The following CEP57 variants were observed in gnomAD, a reference collection of about 807,000 sequenced individuals.
CEP57 encodes the protein centrosomal protein 57, also known as centrosomal protein of 57 kDa.
In CEP57, 40 loss-of-function variants were observed where a neutral mutation model predicts 68.0. The observed-to-expected ratio is 0.59, with a 90% CI of 0.46 to 0.77. The LOEUF is 0.77. Ranked by LOEUF, CEP57 falls within the 30% of genes least tolerant of loss-of-function variation. The pLI, the probability that CEP57 is intolerant of heterozygous loss-of-function variation, is 0.00. For missense variants in CEP57, 606 were observed against 580.7 expected (o/e 1.04, Z -0.45); for synonymous variants, 219 against 198.7 (o/e 1.10, Z -0.86).
At position 95,820,222 on chromosome 11, in the gene CEP57, T is replaced by G. The variant is rs1412574471; in HGVS notation, c.699+1318T>G. ...CAAATTAGATGTTGCTGGTAATATGTTACCAGTAAATATTTTGAGTTGATG... is the reference window on the plus strand; with the variant it reads ...CAAATTAGATGTTGCTGGTAATATGGTACCAGTAAATATTTTGAGTTGATG... On this transcript the variant is annotated intron_variant, in intron 6 of 10. Coordinates refer to ENST00000325542, the MANE Select transcript of CEP57 (RefSeq NM_014679.5). 2.0e-5 allele frequency among the ~76,000 whole-genome samples: 3 copies of G among 152,186 alleles called. No individual in the cohort carries two copies. The East Asian group carries it at 5.8e-4, about 29-fold the overall frequency.
At chr11:95,817,194 C>T (rs760774950) in intron 4 of CEP57, among the ~76,000 whole-genome samples, 7 of 151,246 alleles carry the variant, frequency 4.6e-5, no homozygotes, top group African/African-American at 9.7e-5. Context: ...GATGAAACCA[C>T]GTCACTACTA....
chr11:95,831,105 G>A lies in CEP57; in HGVS notation c.1352G>A (p.Ser451Asn), dbSNP rs771695892. ...ACTCTTGATGAAGAAAGAAACAGCA[G>A]CAGCCGTTCTGGAATCACAGGGACC... ...KKTLDEERNSSSRSGITGTTN... is the reference protein window; with the variant it reads ...KKTLDEERNSNSRSGITGTTN... Residue 451 changes from serine (S) to asparagine (N), a missense_variant, in exon 11 of 11, where the codon AGC becomes AAC. Ser to Asn is a conservative substitution (Grantham distance 46, BLOSUM62 1). Coordinates refer to ENST00000325542, the MANE Select transcript of CEP57 (RefSeq NM_014679.5). 1.2e-6 allele frequency: 2 copies of A among 1,612,966 alleles called. No homozygotes were observed. The highest frequency in any genetic ancestry group is 3.3e-5 in the Admixed American group (2 of 59,984).
Position 95,790,715 on chromosome 11 carries a change from T to A in CEP57, c.17T>A (p.Val6Asp). 6.2e-7 allele frequency: 1 copy of A among 1,614,096 alleles called. No individual in the cohort carries two copies. Among genetic ancestry groups the A allele is most frequent in the Non-Finnish European group, 8.5e-7 (1 of 1,180,006 alleles). Residue 6 changes from valine to aspartate, a missense_variant, in exon 1 of 11, where the codon GTC becomes GAC. Coordinates refer to ENST00000325542, the MANE Select transcript of CEP57 (RefSeq NM_014679.5). MAAAS[V>D]SAASGSHLSN... The stretch of plus-strand genomic sequence containing the variant: ...GGCTGAAAGATGGCGGCGGCGTCTG[T>A]CTCTGCGGCTTCTGGTTCTCACTTG...
Position 95,813,491 on chromosome 11 carries a change from G to A in CEP57, c.406G>A (p.Ala136Thr), listed in dbSNP as rs749969165. ...AGAACTGACATCTCAGTTGTTAGCT[G>A]CAGAAAATAAATGCAATCTATTAGA... ...NQELTSQLLA[A>T]ENKCNLLEKQ... The change falls in exon 4 of 11, where the codon GCA becomes ACA. Residue 136 changes from alanine (A) to threonine (T), a missense_variant. Physicochemically the swap from Ala to Thr is moderately conservative, Grantham distance 58 (BLOSUM62 0). Coordinates refer to ENST00000325542, the MANE Select transcript of CEP57 (RefSeq NM_014679.5). 1.2e-6 allele frequency: 2 copies of A among 1,612,164 alleles called. No homozygotes were observed. Among genetic ancestry groups the A allele is most frequent in the Non-Finnish European group, 1.7e-6 (2 of 1,179,704 alleles).
chr11:95,827,895 T>A lies in CEP57; in HGVS notation c.995T>A (p.Leu332Ter). 6.2e-7 allele frequency: 1 copy of A among 1,614,172 alleles called. No homozygotes were observed. ...GATCGAGTCATCAACAGTATTCCTTTGGCAAAGCAAGTATCTTCACGAGGT... is the reference window on the plus strand; with the variant it reads ...GATCGAGTCATCAACAGTATTCCTTAGGCAAAGCAAGTATCTTCACGAGGT... ...CNDRVINSIP[L>*]AKQVSSRGGK... The change falls in exon 9 of 11, where the codon TTG becomes TAG. Residue 332 changes from leucine (L) to a stop codon, truncating the protein, a stop_gained. Transcript: ENST00000325542. LOFTEE classifies it high-confidence loss of function.
At chr11:95,812,514 C>T (rs1862112037) in intron 2 of CEP57, among the ~76,000 whole-genome samples, 1 of 152,052 alleles carries the variant, frequency 6.6e-6, no homozygotes, top group African/African-American at 2.4e-5. Context: ...ACCTCCACCC[C>T]TCCACACTCC....
intron 5 of CEP57, among the ~76,000 whole-genome samples, chr11:95,818,234 A>G (rs1172711628): frequency 6.6e-6 from 1 of 152,072 alleles, no homozygotes; most frequent in Non-Finnish European, 1.5e-5. Flanking sequence ...CAACATGGTG[A>G]AACCCCGTAT....
rs571450908 is a variant in CEP57 at position 95,830,825 on chromosome 11, A to G, written c.1273-201A>G. 1.5e-4 allele frequency among the ~76,000 whole-genome samples: 23 copies of G among 151,504 alleles called. No individual in the cohort carries two copies. In the East Asian group the frequency reaches 4.0e-3, roughly 27 times the overall value. The stretch of plus-strand genomic sequence containing the variant: ...TATTGTTTTATATATATATAAGCAT[A>G]TATTTATTTATATTAATATTTAAGT... On this transcript the variant is annotated intron_variant, in intron 10 of 10. Coordinates refer to ENST00000325542, the MANE Select transcript of CEP57 (RefSeq NM_014679.5).
chr11:95,795,141 A>T (rs991280016), intron 1 of CEP57, among the ~76,000 whole-genome samples: 4 of 152,088 alleles, frequency 2.6e-5, no homozygotes, highest in African/African-American at 9.7e-5. Flanking sequence ...TGCTGTTGGA[A>T]TTTTGGTTTA....
chr11:95,805,531 A>C (rs1861761341), intron 2 of CEP57, among the ~76,000 whole-genome samples: 1 of 152,218 alleles, frequency 6.6e-6, no homozygotes, highest in Non-Finnish European at 1.5e-5. Context: ...GAAGGAATAA[A>C]TTATGTTAAT....
chr11:95,801,099 C>T (rs1244780455), intron 2 of CEP57, among the ~76,000 whole-genome samples: 1 of 151,976 alleles, frequency 6.6e-6, no homozygotes, highest in East Asian at 1.9e-4. Flanking sequence ...TTGTAAGTAT[C>T]CTAAAAATCT....
chr11:95,817,442 AT>A (rs1443414683), intron 4 of CEP57, among the ~76,000 whole-genome samples: 1 of 152,176 alleles, frequency 6.6e-6, no homozygotes, highest in Non-Finnish European at 1.5e-5. Flanking sequence ...CAAAACCATA[AT>A]TTTTACCCTA....
intron 2 of CEP57, 50 bp downstream of exon 2, chr11:95,799,438 A>C: frequency 6.2e-7 from 1 of 1,607,328 alleles, no homozygotes. Context: ...TTGCTGCTTT[A>C]AAATTCTTAA....
At chr11:95,817,119 G>A (rs1862329034) in intron 4 of CEP57, among the ~76,000 whole-genome samples, 1 of 151,962 alleles carries the variant, frequency 6.6e-6, no homozygotes, top group African/African-American at 2.4e-5. Flanking sequence ...TGTAATCTCA[G>A]CACTTTGGGA....
Position 95,790,673 on chromosome 11 carries a change from C to T in CEP57, c.-26C>T. On this transcript the variant is annotated 5_prime_UTR_variant, in exon 1 of 11. Coordinates refer to ENST00000325542, the MANE Select transcript of CEP57 (RefSeq NM_014679.5). ...GAGAACCTAGACCGCCCCCGAAGTGCGGAGACCCCCTGGGCAGGCTGAAAG... is the reference window on the plus strand; with the variant it reads ...GAGAACCTAGACCGCCCCCGAAGTGTGGAGACCCCCTGGGCAGGCTGAAAG... The T allele has an allele frequency of 6.2e-7, 1 of 1,612,754 alleles. No homozygotes were observed. Among genetic ancestry groups the T allele is most frequent in the African/African-American group, 1.3e-5 (1 of 75,062 alleles).
At position 95,817,883 on chromosome 11, in the gene CEP57, A is replaced by G. The variant is rs2135338342; in HGVS notation, c.601A>G (p.Thr201Ala). 1 of 1,611,958 alleles carries G rather than the reference A, an allele frequency of 6.2e-7. No homozygotes were observed. The highest frequency in any genetic ancestry group is 8.5e-7 in the Non-Finnish European group (1 of 1,178,082). The change falls in exon 5 of 11, where the codon ACA (threonine) becomes GCA (alanine). Residue 201 changes from threonine to alanine, a missense_variant. By Grantham distance (58) the Thr-to-Ala change is moderately conservative. Coordinates refer to ENST00000325542, the MANE Select transcript of CEP57 (RefSeq NM_014679.5). ...LLEQEYNKLT[T>A]MQALAEKKMQ... ...TGAACAGGAGTATAACAAACTTACCACAATGCAGGCCCTTGCAGAAGTCAG... is the reference window on the plus strand; with the variant it reads ...TGAACAGGAGTATAACAAACTTACCGCAATGCAGGCCCTTGCAGAAGTCAG...
At chr11:95,799,622 A>T (rs1027420436) in intron 2 of CEP57, among the ~76,000 whole-genome samples, 4 of 152,132 alleles carry the variant, frequency 2.6e-5, no homozygotes, top group African/African-American at 9.7e-5. Context: ...CTGCTCTGTA[A>T]TCCCCACTAT....
intron 6 of CEP57, among the ~76,000 whole-genome samples, chr11:95,821,046 T>C (rs1432074116): frequency 6.6e-6 from 1 of 152,206 alleles, no homozygotes; most frequent in African/African-American, 2.4e-5. Context: ...GGGGAACTCT[T>C]AAAATACTTT....
chr11:95,823,186 C>T (rs1256013838), intron 8 of CEP57: 1 of 152,264 alleles, frequency 6.6e-6, no homozygotes, highest in Non-Finnish European at 1.5e-5. Flanking sequence ...ATTCTGGCAT[C>T]TTGGGAAGTA....
Sources: allele counts gnomAD v4.1 joint callset (sites outside exome capture counted in the v4.1 genomes callset), GRCh38; gene constraint gnomAD v4.1.1; transcripts MANE v1.5; gene names NCBI Gene and HGNC (gene_info 2026-07-23, HGNC 2026-07-21).